ASB4: variants seen among roughly 807,000 people sequenced by gnomAD.
ASB4 encodes ankyrin repeat and SOCS box protein 4.
In ASB4, 35 loss-of-function variants were observed where a neutral mutation model predicts 38.6. The ratio of observed to expected loss-of-function variants is 0.91; its 90% CI spans 0.69 to 1.20. The LOEUF (loss-of-function observed/expected upper bound fraction) is 1.20, where lower values mean the gene tolerates loss of function less well. ASB4 is among the 50% of genes most tolerant of loss of function. The pLI is 0.00. For missense variants in ASB4, 557 were observed against 527.2 expected (o/e 1.06, Z -0.55); for synonymous variants, 195 against 201.3 (o/e 0.97, Z 0.26).
the ASB4 span, among the ~76,000 whole-genome samples, chr7:95,549,164 G>T: frequency 6.6e-6 from 1 of 152,106 alleles, no homozygotes; most frequent in African/African-American, 2.4e-5. Context: ...GTTACGGGAG[G>T]ATGGGGATAT....
At chr7:95,498,869 C>T (rs956733042) in intron 2 of ASB4, among the ~76,000 whole-genome samples, 1 of 151,890 alleles carries the variant, frequency 6.6e-6, no homozygotes, top group Non-Finnish European at 1.5e-5. Flanking sequence ...ATATGGATGC[C>T]CAGTTGTTTC....
At chr7:95,486,637 T>C (rs1450117875) in intron 1 of ASB4, among the ~76,000 whole-genome samples, 2 of 152,236 alleles carry the variant, frequency 1.3e-5, no homozygotes, top group African/African-American at 2.4e-5. Context: ...GGAGGGTTAA[T>C]AAATGGATAA....
chr7:95,491,997 A>G lies in ASB4; in HGVS notation c.188-3761A>G, dbSNP rs573754567. Among the ~76,000 whole-genome samples the G allele has an allele frequency of 3.3e-5, 5 of 152,274 alleles. No individual in the cohort carries two copies. The South Asian group carries it at 8.3e-4, about 25-fold the overall frequency. On this transcript the variant is annotated intron_variant, in intron 1 of 4. Coordinates refer to ENST00000325885, the MANE Select transcript of ASB4 (RefSeq NM_016116.3). ...TTCCAGATACACTTCAGTATACCCT[A>G]AGCTATAGCCTGCAAACTGTCCTCT...
At chr7:95,518,360 T>C (rs1157735301) in intron 2 of ASB4, among the ~76,000 whole-genome samples, 1 of 152,238 alleles carries the variant, frequency 6.6e-6, no homozygotes, top group Admixed American at 6.5e-5. Flanking sequence ...ATTGTGATAG[T>C]GGGGCAAGCC....
intron 2 of ASB4, among the ~76,000 whole-genome samples, chr7:95,497,249 G>T (rs2116592478): frequency 6.6e-6 from 1 of 152,342 alleles, no homozygotes; most frequent in African/African-American, 2.4e-5. Context: ...GACAAGAATG[G>T]AAGCAGGGAG....
chr7:95,486,798 C>T (rs1198170291), intron 1 of ASB4, among the ~76,000 whole-genome samples: 2 of 152,296 alleles, frequency 1.3e-5, no homozygotes, highest in South Asian at 2.1e-4. Context: ...TACAGAATAT[C>T]TGTCTTATAA....
intron 2 of ASB4, among the ~76,000 whole-genome samples, chr7:95,519,369 A>G (rs1198604253): frequency 1.3e-5 from 2 of 152,248 alleles, no homozygotes; most frequent in Admixed American, 1.3e-4. Context: ...ATGTTTCTAA[A>G]TAATTCGTGC....
chr7:95,550,480 C>T, the ASB4 span, among the ~76,000 whole-genome samples: 1 of 152,204 alleles, frequency 6.6e-6, no homozygotes. Flanking sequence ...GTTATTACCG[C>T]CCCTCTGTGC....
the ASB4 span, among the ~76,000 whole-genome samples, chr7:95,546,822 A>T: frequency 6.6e-6 from 1 of 152,206 alleles, no homozygotes; most frequent in Non-Finnish European, 1.5e-5. Context: ...TTTGGTCAGG[A>T]GAAGCATAGA....
the ASB4 span, among the ~76,000 whole-genome samples, chr7:95,545,668 C>T: frequency 2.0e-5 from 3 of 151,976 alleles, no homozygotes; most frequent in Non-Finnish European, 4.4e-5. Context: ...TGAGCATGTA[C>T]TTATGTAGAG....
intron 2 of ASB4, among the ~76,000 whole-genome samples, chr7:95,520,447 T>G (rs562089935): frequency 1.3e-5 from 2 of 152,330 alleles, no homozygotes; most frequent in South Asian, 4.1e-4. Flanking sequence ...TCAGATCTCA[T>G]AGAAGGCTTG....
chr7:95,517,359 C>A (rs1055766836), intron 2 of ASB4, among the ~76,000 whole-genome samples: 3 of 152,036 alleles, frequency 2.0e-5, no homozygotes, highest in Non-Finnish European at 1.5e-5. Context: ...TTTATGTATT[C>A]TAGACACGAG....
upstream of ASB4, among the ~76,000 whole-genome samples, chr7:95,478,245 A>C (rs536198827): frequency 4.7e-4 from 72 of 152,292 alleles, no homozygotes; most frequent in African/African-American, 1.6e-3. Flanking sequence ...ATGGTAAATT[A>C]TTCCCTCGAG....
chr7:95,535,198 C>T (rs1790873592), intron 3 of ASB4, among the ~76,000 whole-genome samples: 1 of 152,230 alleles, frequency 6.6e-6, no homozygotes, highest in East Asian at 1.9e-4. Flanking sequence ...CAATGCTAGA[C>T]CACCTATGAG....
rs770804094 is a variant in ASB4 at position 95,528,220 on chromosome 7, C to T, written c.895C>T (p.Arg299Cys). ...IQYVLKVTSV[R>C]PAAQPEICYQ... ...GTACGTGCTGAAGGTCACCTCCGTG[C>T]GCCCTGCTGCCCAGCCTGAGATCTG... Residue 299 changes from arginine (R) to cysteine (C), a missense_variant, in exon 3 of 5, where the codon CGC (arginine) becomes TGC (cysteine). By Grantham distance (180) the Arg-to-Cys change is radical. Coordinates refer to ENST00000325885, the MANE Select transcript of ASB4 (RefSeq NM_016116.3). The T allele has an allele frequency of 1.2e-6, 2 of 1,614,164 alleles. No individual in the cohort carries two copies. The highest frequency in any genetic ancestry group is 1.3e-5 in the African/African-American group (1 of 75,042).
chr7:95,513,910 C>T (rs1212332201), intron 2 of ASB4, among the ~76,000 whole-genome samples: 1 of 152,168 alleles, frequency 6.6e-6, no homozygotes, highest in Non-Finnish European at 1.5e-5. Flanking sequence ...GTCCATTTCT[C>T]TAATTCTGCC....
chr7:95,499,286 G>A (rs1790296691), intron 2 of ASB4, among the ~76,000 whole-genome samples: 1 of 152,174 alleles, frequency 6.6e-6, no homozygotes, highest in Non-Finnish European at 1.5e-5. Flanking sequence ...AGTATATATA[G>A]AGAAAAGTGA....
chr7:95,536,660 C>T (rs187750349), intron 4 of ASB4, 110 bp downstream of exon 4: 27 of 625,612 alleles, frequency 4.3e-5, no homozygotes, highest in Admixed American at 1.7e-4. Flanking sequence ...GCCTTTAAAG[C>T]GTACTCAAAT....
chr7:95,491,614 T>C (rs1790172760), intron 1 of ASB4, among the ~76,000 whole-genome samples: 1 of 152,224 alleles, frequency 6.6e-6, no homozygotes, highest in Admixed American at 6.5e-5. Flanking sequence ...CATCAGTTAA[T>C]TGTGTTTCTA....
Sources: allele counts gnomAD v4.1 joint callset (sites outside exome capture counted in the v4.1 genomes callset), GRCh38; gene constraint gnomAD v4.1.1; transcripts MANE v1.5; gene names NCBI Gene and HGNC (gene_info 2026-07-23, HGNC 2026-07-21).